ANKRD30B: variants seen among roughly 807,000 people sequenced by gnomAD.
The protein encoded by ANKRD30B is ankyrin repeat domain-containing protein 30B.
ANKRD30B carries 144 observed loss-of-function variants against 202.2 expected under a neutral mutation model. The observed-to-expected ratio is 0.71, with a 90% CI of 0.62 to 0.82. The LOEUF (loss-of-function observed/expected upper bound fraction) is 0.82. Among genes scored for constraint, ANKRD30B ranks in the 40% least tolerant of loss-of-function variants. The probability of loss-of-function intolerance (pLI) is 0.00; values close to 1 mark genes in which losing one functional copy is unlikely to be tolerated. For synonymous variants in ANKRD30B, 508 were observed against 561.3 expected, an observed-to-expected ratio of 0.91 and a Z score of 1.34; for missense variants, 1,487 against 1,669.1, an observed-to-expected ratio of 0.89 and a Z score of 1.90.
chr18:14,797,567 A>G (rs936787103), intron 18 of ANKRD30B, 94 bp from the exon 19 acceptor site: 3 of 1,366,196 alleles, frequency 2.2e-6, no homozygotes, highest in Admixed American at 3.5e-5. Flanking sequence ...CAATCCAAGC[A>G]TGAGGATTCA....
At chr18:14,881,350 G>GT in the ANKRD30B span, among the ~76,000 whole-genome samples, 7 of 152,054 alleles carry the variant, frequency 4.6e-5, no homozygotes, top group East Asian at 1.9e-4. Flanking sequence ...AATCGTGTGA[G>GT]TTTTTTTAAT....
chr18:14,895,577 A>G, the ANKRD30B span, among the ~76,000 whole-genome samples: 1 of 152,242 alleles, frequency 6.6e-6, no homozygotes, highest in African/African-American at 2.4e-5. Context: ...GAACATGACT[A>G]TTTATAGAAG....
chr18:14,798,960 C>A, intron 20 of ANKRD30B, 141 bp from the exon 21 acceptor site: 1 of 927,146 alleles, frequency 1.1e-6, no homozygotes, highest in Non-Finnish European at 1.7e-6. Flanking sequence ...ATACAATAAC[C>A]CAAAAGACCC....
chr18:14,915,356 C>T, the ANKRD30B span, among the ~76,000 whole-genome samples: 1 of 152,204 alleles, frequency 6.6e-6, no homozygotes, highest in Non-Finnish European at 1.5e-5. Context: ...GGTTCTTCCT[C>T]CACCACTCTA....
At chr18:14,786,706 G>C (rs1027080141) in intron 14 of ANKRD30B, among the ~76,000 whole-genome samples, 14 of 152,140 alleles carry the variant, frequency 9.2e-5, no homozygotes, top group African/African-American at 3.1e-4. Context: ...AGAGATGATA[G>C]GTAATTAAAG....
chr18:14,784,628 T>G (rs1967960025), intron 14 of ANKRD30B, 93 bp downstream of exon 14: 3 of 1,372,458 alleles, frequency 2.2e-6, no homozygotes, highest in East Asian at 4.9e-5. Flanking sequence ...TTCTTTTAAC[T>G]TTGATGAAAA....
chr18:14,829,975 G>T (rs1481234443), intron 33 of ANKRD30B, among the ~76,000 whole-genome samples: 8 of 152,098 alleles, frequency 5.3e-5, no homozygotes, highest in African/African-American at 1.4e-4. Context: ...TGTAAAGCAG[G>T]GGGAAGATTG....
At position 14,804,560 on chromosome 18, in the gene ANKRD30B, G is replaced by A. The variant is rs149399360; in HGVS notation, c.2284+736G>A. The stretch of plus-strand genomic sequence containing the variant: ...TCAGGCGATGCTGATGCTGGTGGTC[G>A]TTGGACCTTGCTCTGAGTAGCAAGA... On this transcript the variant is annotated intron_variant, in intron 24 of 43. Transcript: ENST00000690538. Among the ~76,000 whole-genome samples, 14 of 150,700 alleles carry A rather than the reference G, an allele frequency of 9.3e-5. 2 individuals carry two copies. Among genetic ancestry groups the A allele is most frequent in the Admixed American group, 2.6e-4 (4 of 15,160 alleles).
the ANKRD30B span, among the ~76,000 whole-genome samples, chr18:14,892,722 A>G: frequency 7.5e-6 from 1 of 133,618 alleles, no homozygotes; most frequent in African/African-American, 2.7e-5. Flanking sequence ...CCTAGGCAAC[A>G]GAGTGAGACT....
the ANKRD30B span, among the ~76,000 whole-genome samples, chr18:14,908,241 A>G: frequency 6.6e-6 from 1 of 152,106 alleles, no homozygotes; most frequent in Non-Finnish European, 1.5e-5. Context: ...AAGGTGTCAG[A>G]CTCACAGTTC....
intron 39 of ANKRD30B, among the ~76,000 whole-genome samples, chr18:14,845,025 T>G (rs1426906708): frequency 6.6e-6 from 1 of 152,064 alleles, no homozygotes; most frequent in East Asian, 1.9e-4. Context: ...TCTCCCATTC[T>G]GTAGGTTGCC....
chr18:14,805,433 C>G (rs1342342098), intron 24 of ANKRD30B, among the ~76,000 whole-genome samples: 2 of 150,634 alleles, frequency 1.3e-5, no homozygotes, highest in Admixed American at 6.6e-5. Flanking sequence ...ATCAGTGGAT[C>G]AAGAAATATT....
chr18:14,786,295 A>G (rs1389905025), intron 14 of ANKRD30B, among the ~76,000 whole-genome samples: 3 of 152,152 alleles, frequency 2.0e-5, no homozygotes, highest in Non-Finnish European at 4.4e-5. Flanking sequence ...CCTTGATTTT[A>G]TCCTATACAA....
At chr18:14,935,490 T>G in the ANKRD30B span, among the ~76,000 whole-genome samples, 1 of 152,216 alleles carries the variant, frequency 6.6e-6, no homozygotes, top group East Asian at 1.9e-4. Context: ...GCTCCTTCCC[T>G]ACGGTGGGCC....
At chr18:14,929,369 T>C in the ANKRD30B span, among the ~76,000 whole-genome samples, 1 of 152,158 alleles carries the variant, frequency 6.6e-6, no homozygotes, top group Non-Finnish European at 1.5e-5. Flanking sequence ...CATCCTCCTG[T>C]AGAACCATTC....
intron 41 of ANKRD30B, 102 bp downstream of exon 41, chr18:14,850,484 A>C: frequency 8.4e-7 from 1 of 1,192,322 alleles, no homozygotes; most frequent in Non-Finnish European, 1.1e-6. Context: ...GGTCTAAATC[A>C]AAGAAAAGTA....
At chr18:14,871,215 C>T in the ANKRD30B span, among the ~76,000 whole-genome samples, 40 of 100,654 alleles carry the variant, frequency 4.0e-4, no homozygotes, top group Non-Finnish European at 7.5e-4. Context: ...TCCTGCTGCA[C>T]CCCCACCCCA....
At chr18:14,805,821 A>G (rs1969475358) in intron 24 of ANKRD30B, among the ~76,000 whole-genome samples, 1 of 149,872 alleles carries the variant, frequency 6.7e-6, no homozygotes, top group Admixed American at 6.6e-5. Context: ...ACATATTGGC[A>G]TTAACATTTT....
the ANKRD30B span, among the ~76,000 whole-genome samples, chr18:14,920,241 C>T: frequency 6.6e-6 from 1 of 152,196 alleles, no homozygotes; most frequent in Non-Finnish European, 1.5e-5. Flanking sequence ...AGCACTGGTT[C>T]TATAGAACAT....
Sources: allele counts gnomAD v4.1 joint callset (sites outside exome capture counted in the v4.1 genomes callset), GRCh38; gene constraint gnomAD v4.1.1; transcripts MANE v1.5; gene names NCBI Gene and HGNC (gene_info 2026-07-23, HGNC 2026-07-21).